Variants in PDE3A observed in about 807,000 individuals in gnomAD.
PDE3A encodes phosphodiesterase 3A, also known as cGMP-inhibited 3',5'-cyclic phosphodiesterase 3A.
Under a neutral mutation model 98.3 loss-of-function variants are expected in PDE3A, and 43 were observed. The observed-to-expected ratio is 0.44, with a 90% CI of 0.34 to 0.56. The LOEUF (loss-of-function observed/expected upper bound fraction) is 0.56, where lower values mean the gene tolerates loss of function less well. Ranked by LOEUF, PDE3A falls within the 20% of genes least tolerant of loss-of-function variation. PDE3A has a pLI of 0.01. For synonymous variants in PDE3A, 663 were observed against 567.9 expected (o/e 1.17, Z -2.38); for missense variants, 1,427 against 1,440.7 (o/e 0.99, Z 0.15).
At chr12:20,426,405 G>T (rs1166254435) in intron 1 of PDE3A, among the ~76,000 whole-genome samples, 1 of 152,124 alleles carries the variant, frequency 6.6e-6, no homozygotes. Flanking sequence ...AATTCCTTAG[G>T]CATTATAAAT....
chr12:20,658,760 A>T (rs569262638), intron 15 of PDE3A, among the ~76,000 whole-genome samples: 184 of 152,160 alleles, frequency 1.2e-3, no homozygotes, highest in Non-Finnish European at 2.4e-3. Context: ...ATCTTTTTTA[A>T]ATTTTAAAAT....
chr12:20,465,536 G>A (rs528046934), intron 1 of PDE3A, among the ~76,000 whole-genome samples: 2 of 151,932 alleles, frequency 1.3e-5, no homozygotes, highest in South Asian at 2.1e-4. Flanking sequence ...TCAGCCTCCC[G>A]AGTAGCGGGA....
At chr12:20,487,056 T>C (rs187455442) in intron 1 of PDE3A, among the ~76,000 whole-genome samples, 2 of 152,344 alleles carry the variant, frequency 1.3e-5, no homozygotes. Context: ...ATTGAAATAA[T>C]CAATGCTTAC....
intron 1 of PDE3A, among the ~76,000 whole-genome samples, chr12:20,486,699 T>A (rs1945733058): frequency 6.6e-6 from 1 of 152,166 alleles, no homozygotes. Flanking sequence ...AGTGGTGCAA[T>A]CTCAATCCAC....
chr12:20,634,848 A>T, intron 7 of PDE3A, 54 bp from the exon 8 acceptor site: 2 of 1,397,584 alleles, frequency 1.4e-6, no homozygotes, highest in Non-Finnish European at 2.0e-6. Context: ...TGCTTAAATG[A>T]GCCCCCTTTC....
intron 15 of PDE3A, among the ~76,000 whole-genome samples, chr12:20,662,986 C>T (rs1365273488): frequency 6.6e-6 from 1 of 152,142 alleles, no homozygotes; most frequent in Admixed American, 6.5e-5. Context: ...GGCCCCAGAC[C>T]CTCTGCTGTG....
chr12:20,504,728 C>T (rs779446955), intron 1 of PDE3A, among the ~76,000 whole-genome samples: 3 of 152,020 alleles, frequency 2.0e-5, no homozygotes, highest in Non-Finnish European at 2.9e-5. Context: ...GATTCCTTCT[C>T]ACATCACATC....
intron 1 of PDE3A, among the ~76,000 whole-genome samples, chr12:20,471,682 T>A (rs1945442617): frequency 6.6e-6 from 1 of 152,266 alleles, no homozygotes; most frequent in South Asian, 2.1e-4. Context: ...GTAAATTGAT[T>A]TTCTAGGATG....
At chr12:20,592,352 A>G (rs1195999159) in intron 2 of PDE3A, among the ~76,000 whole-genome samples, 1 of 152,242 alleles carries the variant, frequency 6.6e-6, no homozygotes, top group African/African-American at 2.4e-5. Context: ...CTTTAAAGGT[A>G]TAAATTGTCA....
At chr12:20,596,740 T>A (rs1352451813) in intron 2 of PDE3A, among the ~76,000 whole-genome samples, 1 of 151,876 alleles carries the variant, frequency 6.6e-6, no homozygotes, top group Non-Finnish European at 1.5e-5. Context: ...CTGGGAAGAG[T>A]CTAATTTGAC....
chr12:20,678,105 A>G (rs1386852249), intron 15 of PDE3A, among the ~76,000 whole-genome samples: 6 of 152,136 alleles, frequency 3.9e-5, no homozygotes, highest in South Asian at 2.1e-4. Context: ...ATTTCCAGGC[A>G]GCTCTCTGTA....
intron 2 of PDE3A, among the ~76,000 whole-genome samples, chr12:20,569,345 C>T (rs1942737907): frequency 6.6e-6 from 1 of 151,988 alleles, no homozygotes; most frequent in Non-Finnish European, 1.5e-5. Context: ...GTATATAAAT[C>T]ATGTGCTTAA....
At chr12:20,520,743 G>C (rs575291524) in intron 1 of PDE3A, among the ~76,000 whole-genome samples, 4 of 152,314 alleles carry the variant, frequency 2.6e-5, no homozygotes, top group African/African-American at 9.6e-5. Context: ...CCCACCATCA[G>C]CTGTCAGCCC....
At chr12:20,408,754 A>G (rs981027778) in intron 1 of PDE3A, among the ~76,000 whole-genome samples, 1 of 152,136 alleles carries the variant, frequency 6.6e-6, no homozygotes, top group African/African-American at 2.4e-5. Context: ...GCCGTTCTCT[A>G]TCTTATGCTT....
intron 1 of PDE3A, among the ~76,000 whole-genome samples, chr12:20,385,831 C>T (rs945978685): frequency 2.0e-5 from 3 of 148,714 alleles, no homozygotes; most frequent in African/African-American, 5.0e-5. Context: ...GGAGATATAC[C>T]TAATGTAAAT....
intron 1 of PDE3A, among the ~76,000 whole-genome samples, chr12:20,448,376 A>G (rs10743376): frequency 0.91 from 138,858 of 152,202 alleles, 64,138 homozygotes; most frequent in East Asian, 1. Flanking sequence ...GGGAGGCGGC[A>G]GTTGCTGTGA....
chr12:20,678,132 C>T lies in PDE3A; in HGVS notation c.3185-1898C>T, dbSNP rs542593558. Among the ~76,000 whole-genome samples, 9 of 152,224 alleles carry T rather than the reference C, an allele frequency of 5.9e-5. No individual in the cohort carries two copies. In the South Asian group the frequency reaches 1.9e-3, roughly 32 times the overall value. On this transcript the variant is annotated intron_variant, in intron 15 of 15. Transcript: ENST00000359062. The stretch of plus-strand genomic sequence containing the variant: ...CTCTCTGTATCAGTTTCAGAGACCA[C>T]ATGGGTTGACAGACTTCCCCAAGGC...
chr12:20,532,607 T>C (rs191303242), intron 1 of PDE3A, among the ~76,000 whole-genome samples: 108 of 152,172 alleles, frequency 7.1e-4, no homozygotes, highest in African/African-American at 2.3e-3. Context: ...AATGTGAATA[T>C]TAGCAATACT....
At chr12:20,644,034 A>G (rs1196016100) in intron 10 of PDE3A, among the ~76,000 whole-genome samples, 1 of 152,090 alleles carries the variant, frequency 6.6e-6, no homozygotes, top group Non-Finnish European at 1.5e-5. Context: ...ATGCTCATGC[A>G]CAGGTTTCTC....
Sources: allele counts gnomAD v4.1 joint callset (sites outside exome capture counted in the v4.1 genomes callset), GRCh38; gene constraint gnomAD v4.1.1; transcripts MANE v1.5; gene names NCBI Gene and HGNC (gene_info 2026-07-23, HGNC 2026-07-21).